C1QTNF8: variants seen among roughly 807,000 people sequenced by gnomAD.
The protein encoded by C1QTNF8 is complement C1q tumor necrosis factor-related protein 8.
C1QTNF8 carries 27 observed loss-of-function variants against 19.2 expected under a neutral mutation model. The observed-to-expected ratio is 1.41, with a 90% CI of 1.04 to 1.94. The LOEUF is 1.94. C1QTNF8 is among the 30% of genes most tolerant of loss of function. The pLI, the probability that C1QTNF8 is intolerant of heterozygous loss-of-function variation, is 0.00. For synonymous variants in C1QTNF8, 208 were observed against 172.8 expected (o/e 1.20, Z -1.60); for missense variants, 484 against 374.4 (o/e 1.29, Z -2.42).
Position 1,090,020 on chromosome 16 carries a change from G to A in C1QTNF8, c.*579C>T, listed in dbSNP as rs11860798. Reference sequence around the variant, plus strand: ...CCACCTCAGTGTGGGGCGAAGGAGAGGGAAGGTTCCGGGTCCAGCCCCAGC... The same window carrying A: ...CCACCTCAGTGTGGGGCGAAGGAGAAGGAAGGTTCCGGGTCCAGCCCCAGC... On this transcript the variant is annotated 3_prime_UTR_variant, in exon 5 of 5. Transcript: ENST00000328449. 0.16 allele frequency: 23,730 copies of A among 152,412 alleles called. 3,854 individuals are homozygous for A. Among genetic ancestry groups the A allele is most frequent in the African/African-American group, 0.41 (17,153 of 41,444 alleles). The allele number at this position is 152,412 out of a possible 1,614,324, so 9.4% of individuals were successfully genotyped here.
intron 4 of C1QTNF8, among the ~76,000 whole-genome samples, chr16:1,091,476 G>T (rs1323145667): frequency 1.3e-5 from 2 of 152,118 alleles, no homozygotes; most frequent in African/African-American, 2.4e-5. Context: ...TGAGCACGTG[G>T]CTGGGAGAGC....
chr16:1,091,396 G>T (rs1331496094), intron 4 of C1QTNF8, among the ~76,000 whole-genome samples: 2 of 152,142 alleles, frequency 1.3e-5, no homozygotes, highest in African/African-American at 2.4e-5. Context: ...GTGCGTGGGA[G>T]GCTGGGCCGG....
At chr16:1,094,090 C>T in intron 3 of C1QTNF8, 39 bp from the exon 4 acceptor site, 2 of 1,378,980 alleles carry the variant, frequency 1.5e-6, no homozygotes, top group East Asian at 2.9e-5. Flanking sequence ...CGGGGCCGGG[C>T]TGGGCAGGCC....
At chr16:1,095,004 G>A (rs1960655002) in intron 2 of C1QTNF8, 71 bp from the exon 3 acceptor site, 2 of 602,546 alleles carry the variant, frequency 3.3e-6, no homozygotes, top group East Asian at 3.5e-5. Flanking sequence ...CCCTACGGCA[G>A]CCCGGCCCTG....
In C1QTNF8 at chr16:1,093,891, CCGGCCCA is replaced by C; in HGVS notation, c.362_368del (p.Val121GlyfsTer21). The C allele has an allele frequency of 6.4e-7, 1 of 1,567,832 alleles. No individual in the cohort carries two copies. Among genetic ancestry groups the C allele is most frequent in the South Asian group, 1.1e-5 (1 of 87,476 alleles). ...GGTCGGAGCTGTGCAGGCCCTCGCG[CCGGCCCA>C]CGGAGAAGGCGGCGTAGGCACGTCG... On this transcript the variant is annotated frameshift_variant, in exon 4 of 5. Transcript: ENST00000328449. LOFTEE classifies it high-confidence loss of function.
intron 4 of C1QTNF8, among the ~76,000 whole-genome samples, chr16:1,091,444 T>A (rs569097631): frequency 6.6e-6 from 1 of 151,982 alleles, no homozygotes; most frequent in South Asian, 2.1e-4. Context: ...CCAGGTCAGG[T>A]GGAGGTGGTT....
In C1QTNF8 at chr16:1,089,276, AC is replaced by A. The variant is rs972611289; in HGVS notation, c.*1322del. On this transcript the variant is annotated 3_prime_UTR_variant, in exon 5 of 5. Transcript: ENST00000328449. ...AAGAACCTCTGCATGGCCAGCCGGG[AC>A]CCCCACCCCCAGCAGCCCATACCCC... 1.5e-4 allele frequency among the ~76,000 whole-genome samples: 22 copies of A among 151,332 alleles called. No individual in the cohort carries two copies. The highest frequency in any genetic ancestry group is 2.5e-4 in the Non-Finnish European group (17 of 67,790).
At chr16:1,091,083 G>C (rs1960534595) in intron 4 of C1QTNF8, among the ~76,000 whole-genome samples, 2 of 152,192 alleles carry the variant, frequency 1.3e-5, no homozygotes, top group Non-Finnish European at 2.9e-5. Context: ...GGGCAGGGCA[G>C]GCCCTAAAGA....
rs143577091 is a variant in C1QTNF8, at chr16:1,093,792, G to A, written c.468C>T (p.Phe156=). Residue 156 remains phenylalanine, a synonymous_variant, in exon 4 of 5, where the codon TTC becomes TTT. Transcript: ENST00000328449. ...DGAFDLAAGR[F]LCTVPGVYFL... ...AGTAGACGCCGGGCACCGTGCAGAG[G>A]AAGCGGCCCGCGGCCAGGTCGAAGG... The A allele has an allele frequency of 4.4e-5, 71 of 1,611,760 alleles. 1 individual carries two copies. The Middle Eastern group carries it at 5.0e-4, about 11-fold the overall frequency.
chr16:1,093,698 G>T lies in C1QTNF8; in HGVS notation c.562C>A (p.Pro188Thr), dbSNP rs1323737107. Residue 188 changes from proline (P) to threonine (T), a missense_variant, in exon 4 of 5, where the codon CCC becomes ACC. By Grantham distance (38) the Pro-to-Thr change is conservative. Coordinates refer to ENST00000328449, the MANE Select transcript of C1QTNF8 (RefSeq NM_207419.3). The stretch of plus-strand genomic sequence containing the variant: ...GGCTGCGCGTAGAGCACGGCCGCGG[G>T]CCGCCGGTTCAGCATGATGTGCAGG... ...TYLHIMLNRR[P>T]AAVLYAQPSE... 1 of 1,611,558 alleles carries T rather than the reference G, an allele frequency of 6.2e-7. No individual in the cohort carries two copies. The highest frequency in any genetic ancestry group is 1.7e-5 in the Admixed American group (1 of 59,820).
In C1QTNF8 at chr16:1,093,581, C is replaced by G. The variant is rs761425529; in HGVS notation, c.679G>C (p.Asp227His). The G allele has an allele frequency of 6.3e-7, 1 of 1,599,464 alleles. No homozygotes were observed. The highest frequency in any genetic ancestry group is 1.7e-5 in the Admixed American group (1 of 58,680). Residue 227 changes from aspartate to histidine, a missense_variant, in exon 4 of 5, where the codon GAC becomes CAC. Coordinates refer to ENST00000328449, the MANE Select transcript of C1QTNF8 (RefSeq NM_207419.3). ...VWVRMFQRDR[D>H]NAIYGEHGDL... is the part of the protein sequence containing the mutation. ...CCGTGCTCGCCGTAGATGGCGTTGT[C>G]CCGGTCGCGCTGGAACATGCGCACC...
In C1QTNF8 at chr16:1,093,884, C is replaced by T; in HGVS notation, c.376G>A (p.Gly126Ser). 1.4e-5 allele frequency: 22 copies of T among 1,572,718 alleles called. No individual in the cohort carries two copies. The highest frequency in any genetic ancestry group is 1.9e-5 in the Non-Finnish European group (22 of 1,167,554). Residue 126 changes from glycine (G) to serine (S), a missense_variant, in exon 4 of 5, where the codon GGC becomes AGC. Physicochemically the swap from Gly to Ser is moderately conservative, Grantham distance 56 (BLOSUM62 0). Coordinates refer to ENST00000328449, the MANE Select transcript of C1QTNF8 (RefSeq NM_207419.3). ...YAAFSVGRREGLHSSDHFQAV... is the reference protein window; with the variant it reads ...YAAFSVGRRESLHSSDHFQAV... ...TGGAAGTGGTCGGAGCTGTGCAGGC[C>T]CTCGCGCCGGCCCACGGAGAAGGCG...
At chr16:1,092,723 CACAGCACACAGT>C in intron 4 of C1QTNF8, among the ~76,000 whole-genome samples, 3 of 96,460 alleles carry the variant, frequency 3.1e-5, no homozygotes, top group Non-Finnish European at 6.4e-5. Context: ...CTCAACCAAT[CACAGCACACAGT>C]CGGCGCTCAA....
At chr16:1,095,167 TCC>T (rs1960658503) in intron 2 of C1QTNF8, among the ~76,000 whole-genome samples, 1 of 152,158 alleles carries the variant, frequency 6.6e-6, no homozygotes, top group Admixed American at 6.5e-5. Flanking sequence ...GGAGTCCTGG[TCC>T]CCAAAGCTGG....
intron 4 of C1QTNF8, among the ~76,000 whole-genome samples, chr16:1,092,530 A>G (rs1415309914): frequency 1.9e-5 from 1 of 52,038 alleles, no homozygotes; most frequent in South Asian, 6.6e-4. Flanking sequence ...AACCAATCAC[A>G]GCACACAGTC....
intron 2 of C1QTNF8, among the ~76,000 whole-genome samples, 187 bp downstream of exon 2, chr16:1,095,428 C>T (rs1224591191): frequency 1.3e-5 from 2 of 152,210 alleles, no homozygotes; most frequent in African/African-American, 4.8e-5. Context: ...CCGGAGCCCC[C>T]AGGGCAGGGC....
chr16:1,089,341 CA>C lies in C1QTNF8; in HGVS notation c.*1257del, dbSNP rs1960496200. 6.6e-6 allele frequency among the ~76,000 whole-genome samples: 1 copy of C among 152,180 alleles called. No homozygotes were observed. Among genetic ancestry groups the C allele is most frequent in the Non-Finnish European group, 1.5e-5 (1 of 68,024 alleles). On this transcript the variant is annotated 3_prime_UTR_variant, in exon 5 of 5. Transcript: ENST00000328449. ...TTCAAGCACCTGCCACACTTGACCC[CA>C]ACAGGCTCCTCCTGGGGATCCCCCC...
At chr16:1,090,960 G>A (rs1447634050) in intron 4 of C1QTNF8, among the ~76,000 whole-genome samples, 1 of 152,210 alleles carries the variant, frequency 6.6e-6, no homozygotes, top group African/African-American at 2.4e-5. Context: ...ACCCTGCAGG[G>A]TGCACCCTGA....
Position 1,093,909 on chromosome 16 carries a change from G to A in C1QTNF8, c.351C>T (p.Ala117=), listed in dbSNP as rs762740648. The part of the protein sequence containing the change: ...PPGAACRRAY[A]AFSVGRREGL... ...CCTCGCGCCGGCCCACGGAGAAGGC[G>A]GCGTAGGCACGTCGGCACGCGGCGC... Residue 117 remains alanine (A), a synonymous_variant, in exon 4 of 5, where the codon GCC becomes GCT. Transcript: ENST00000328449. 8 of 1,548,092 alleles carry A rather than the reference G, an allele frequency of 5.2e-6. No homozygotes were observed. The highest frequency in any genetic ancestry group is 1.4e-5 in the African/African-American group (1 of 71,552).
Sources: gnomAD v4.1 joint callset for allele counts (sites outside exome capture counted in the v4.1 genomes callset) on GRCh38, gnomAD v4.1.1 for gene constraint, MANE v1.5 for transcripts, NCBI Gene and HGNC (gene_info 2026-07-23, HGNC 2026-07-21) for gene names.